MARCHF1: variants seen among roughly 807,000 people sequenced by gnomAD.
MARCHF1 encodes the protein E3 ubiquitin-protein ligase MARCHF1.
In MARCHF1, 40 loss-of-function variants were observed where a neutral mutation model predicts 54.2. The ratio of observed to expected loss-of-function variants is 0.74; its 90% CI spans 0.57 to 0.96. The LOEUF is 0.96. MARCHF1 is among the 40% of genes least tolerant of loss of function. The pLI, the probability that MARCHF1 is intolerant of heterozygous loss-of-function variation, is 0.00. For missense variants in MARCHF1, 586 were observed against 656.5 expected, an observed-to-expected ratio of 0.89 and a Z score of 1.17; for synonymous variants, 236 against 236.3, an observed-to-expected ratio of 1.00 and a Z score of 0.01.
chr4:163,772,021 CTT>C lies in MARCHF1; in HGVS notation c.112-71160_112-71159del, dbSNP rs373389850. The stretch of plus-strand genomic sequence containing the variant: ...ATTATCAATATATTTACAAATGTGG[CTT>C]TAGATCAGGAGCAGAGGCATCACCT... On this transcript the variant is annotated intron_variant, in intron 4 of 9. Coordinates refer to ENST00000514618, the MANE Select transcript of MARCHF1 (RefSeq NM_001394959.1). Among the ~76,000 whole-genome samples, 989 of 152,182 alleles carry C rather than the reference CTT, an allele frequency of 6.5e-3. 8 individuals carry two copies. Among genetic ancestry groups the C allele is most frequent in the Non-Finnish European group, 9.9e-3 (672 of 68,004 alleles).
chr4:163,851,599 C>T (rs750797807), intron 4 of MARCHF1, among the ~76,000 whole-genome samples: 5 of 152,034 alleles, frequency 3.3e-5, no homozygotes, highest in Non-Finnish European at 7.4e-5. Context: ...GAGTAATAAT[C>T]TCTTTTCTGG....
chr4:163,668,307 G>A (rs755662840), intron 5 of MARCHF1, among the ~76,000 whole-genome samples: 9 of 152,306 alleles, frequency 5.9e-5, no homozygotes, highest in South Asian at 2.1e-4. Flanking sequence ...AGAGAGCTAA[G>A]TGCCAATAAA....
At chr4:164,333,478 G>T (rs1364530537) in intron 1 of MARCHF1, among the ~76,000 whole-genome samples, 2 of 152,030 alleles carry the variant, frequency 1.3e-5, no homozygotes, top group Non-Finnish European at 2.9e-5. Context: ...ATCTATTATG[G>T]TGATCTGTGT....
At chr4:163,613,485 C>G in intron 5 of MARCHF1, 92 bp from the exon 6 acceptor site, 1 of 1,611,900 alleles carries the variant, frequency 6.2e-7, no homozygotes, top group Non-Finnish European at 8.5e-7. Flanking sequence ...AAAATTACAA[C>G]AAACGTGGCT....
chr4:163,769,023 G>A (rs1747073095), intron 4 of MARCHF1, among the ~76,000 whole-genome samples: 2 of 152,040 alleles, frequency 1.3e-5, no homozygotes, highest in South Asian at 4.1e-4. Context: ...CTAATAATAA[G>A]GCCCATTATT....
At chr4:164,235,528 A>G (rs1732523713) in intron 1 of MARCHF1, among the ~76,000 whole-genome samples, 2 of 152,064 alleles carry the variant, frequency 1.3e-5, no homozygotes, top group Non-Finnish European at 2.9e-5. Flanking sequence ...TCTTTCTCTA[A>G]AAAATACAGG....
chr4:164,019,969 G>A (rs1381153090), intron 2 of MARCHF1, among the ~76,000 whole-genome samples: 1 of 152,166 alleles, frequency 6.6e-6, no homozygotes, highest in Non-Finnish European at 1.5e-5. Flanking sequence ...AGGCAAAACT[G>A]AAATTTTTAA....
chr4:164,371,853 C>A (rs1041102499), intron 1 of MARCHF1, among the ~76,000 whole-genome samples: 2 of 152,148 alleles, frequency 1.3e-5, no homozygotes, highest in African/African-American at 2.4e-5. Flanking sequence ...TATTTAAGTA[C>A]CTATAACTAA....
intron 3 of MARCHF1, among the ~76,000 whole-genome samples, chr4:163,885,264 G>A (rs1006058168): frequency 6.6e-6 from 1 of 152,134 alleles, no homozygotes; most frequent in South Asian, 2.1e-4. Context: ...CCTTTAGCAT[G>A]TCTCAACCTT....
intron 3 of MARCHF1, among the ~76,000 whole-genome samples, chr4:163,897,533 T>A (rs1311598926): frequency 6.6e-6 from 1 of 151,854 alleles, no homozygotes; most frequent in Non-Finnish European, 1.5e-5. Context: ...CATAGGTACA[T>A]GAAAAAGAAT....
rs371354603 is a variant in MARCHF1, at chr4:163,949,156, TG to T, written c.-39+39344del. 6.4e-4 allele frequency among the ~76,000 whole-genome samples: 97 copies of T among 152,216 alleles called. No homozygotes were observed. In the East Asian group the frequency reaches 0.015, roughly 24 times the overall value. On this transcript the variant is annotated intron_variant, in intron 3 of 9. Coordinates refer to ENST00000514618, the MANE Select transcript of MARCHF1 (RefSeq NM_001394959.1). The stretch of plus-strand genomic sequence containing the variant: ...GGGCAAGCCAGGTGCAGAGTGGTGA[TG>T]GGTATGTGAGTGAGTGAGCATGGGG...
At chr4:164,113,803 A>C (rs1435900007) in intron 1 of MARCHF1, among the ~76,000 whole-genome samples, 1 of 152,048 alleles carries the variant, frequency 6.6e-6, no homozygotes, top group Non-Finnish European at 1.5e-5. Context: ...TTTTGGAAAG[A>C]ACAAGGATGT....
intron 2 of MARCHF1, among the ~76,000 whole-genome samples, chr4:164,023,071 C>A (rs1035132953): frequency 2.0e-5 from 3 of 152,132 alleles, no homozygotes; most frequent in Non-Finnish European, 4.4e-5. Context: ...GTGGCCAGCA[C>A]TTGAGTTGGG....
chr4:164,123,403 A>G (rs893891300), intron 1 of MARCHF1, among the ~76,000 whole-genome samples: 3 of 152,100 alleles, frequency 2.0e-5, no homozygotes, highest in African/African-American at 7.2e-5. Flanking sequence ...TATAGATTCA[A>G]TGCAATCTCT....
At chr4:163,985,840 T>A (rs1331754652) in intron 3 of MARCHF1, among the ~76,000 whole-genome samples, 2 of 152,162 alleles carry the variant, frequency 1.3e-5, no homozygotes, top group Non-Finnish European at 2.9e-5. Flanking sequence ...TTAAGGAAAC[T>A]TCAAGAAAGG....
chr4:164,123,638 C>T (rs1233291082), intron 1 of MARCHF1, among the ~76,000 whole-genome samples: 2 of 151,240 alleles, frequency 1.3e-5, no homozygotes, highest in African/African-American at 4.9e-5. Flanking sequence ...TATGCAGAAA[C>T]AAATCTACAC....
At chr4:163,989,314 A>AG (rs70948683) in intron 2 of MARCHF1, among the ~76,000 whole-genome samples, 9 of 151,318 alleles carry the variant, frequency 5.9e-5, no homozygotes, top group African/African-American at 2.2e-4. Flanking sequence ...AGAGAGAGAG[A>AG]AAAGAAGAGA....
chr4:164,170,500 T>C (rs557927033), intron 1 of MARCHF1, among the ~76,000 whole-genome samples: 3 of 152,076 alleles, frequency 2.0e-5, no homozygotes, highest in Non-Finnish European at 4.4e-5. Flanking sequence ...ACAATCACCA[T>C]GGTTGTAAAG....
intron 4 of MARCHF1, among the ~76,000 whole-genome samples, chr4:163,747,855 C>T (rs988134624): frequency 1.3e-5 from 2 of 152,132 alleles, no homozygotes; most frequent in African/African-American, 4.8e-5. Flanking sequence ...CCCTGGCCAA[C>T]GGATGAAATG....
Sources: allele counts gnomAD v4.1 joint callset (sites outside exome capture counted in the v4.1 genomes callset), GRCh38; gene constraint gnomAD v4.1.1; transcripts MANE v1.5; gene names NCBI Gene and HGNC (gene_info 2026-07-23, HGNC 2026-07-21).